Variants in SSBP2 observed in about 807,000 individuals in gnomAD.
SSBP2 encodes the protein single stranded DNA binding protein 2.
In SSBP2, 17 loss-of-function variants were observed where a neutral mutation model predicts 61.8. The ratio of observed to expected loss-of-function variants is 0.28; its 90% CI spans 0.19 to 0.41. The LOEUF is 0.41. Ranked by LOEUF, SSBP2 falls within the 10% of genes least tolerant of loss-of-function variation. The pLI, the probability that SSBP2 is intolerant of heterozygous loss-of-function variation, is 1.00. For synonymous variants in SSBP2, 139 were observed against 141.3 expected, an observed-to-expected ratio of 0.98 and a Z score of 0.12; for missense variants, 310 against 458.7, an observed-to-expected ratio of 0.68 and a Z score of 2.96.
chr5:81,561,153 C>T (rs1314152102), intron 4 of SSBP2, among the ~76,000 whole-genome samples: 3 of 152,084 alleles, frequency 2.0e-5, no homozygotes, highest in African/African-American at 7.2e-5. Flanking sequence ...ATAATGTAAT[C>T]CCCTGATAAA....
intron 10 of SSBP2, among the ~76,000 whole-genome samples, chr5:81,456,047 G>A (rs1764120187): frequency 1.3e-5 from 2 of 152,110 alleles, no homozygotes; most frequent in African/African-American, 4.8e-5. Context: ...CTAGAAATAA[G>A]GGAAGATAAT....
intron 4 of SSBP2, among the ~76,000 whole-genome samples, chr5:81,577,034 C>T (rs1444746867): frequency 1.3e-5 from 2 of 151,914 alleles, no homozygotes; most frequent in African/African-American, 2.4e-5. Context: ...TTAAATGTTT[C>T]GTGCATATTA....
At chr5:81,673,650 A>G (rs1751752002) in intron 1 of SSBP2, among the ~76,000 whole-genome samples, 1 of 152,224 alleles carries the variant, frequency 6.6e-6, no homozygotes, top group South Asian at 2.1e-4. Flanking sequence ...AAAAGAGACA[A>G]GTCAAGAGAA....
intron 11 of SSBP2, among the ~76,000 whole-genome samples, chr5:81,447,731 T>C (rs932798970): frequency 6.6e-6 from 1 of 152,204 alleles, no homozygotes; most frequent in Non-Finnish European, 1.5e-5. Flanking sequence ...TTTCAAATAA[T>C]ATCTGTATTT....
rs78125243 is a variant in SSBP2 at position 81,521,989 on chromosome 5, A to C, written c.283-8272T>G. Among the ~76,000 whole-genome samples the C allele has an allele frequency of 7.2e-3, 1,097 of 152,114 alleles. 23 individuals carry two copies. Among genetic ancestry groups the C allele is most frequent in the African/African-American group, 0.025 (1,043 of 41,558 alleles). On this transcript the variant is annotated intron_variant, in intron 4 of 16. Transcript: ENST00000320672. ...AGAAATCACATTACATGTATATATC[A>C]TGTGCTATAAAAATATTAATAAATT...
chr5:81,479,796 TAAA>T (rs539691626), intron 6 of SSBP2, among the ~76,000 whole-genome samples: 1 of 152,170 alleles, frequency 6.6e-6, no homozygotes, highest in Non-Finnish European at 1.5e-5. Flanking sequence ...TTTTTAATGA[TAAA>T]AAACTGAGGT....
intron 1 of SSBP2, among the ~76,000 whole-genome samples, chr5:81,716,759 T>C (rs1755195350): frequency 6.6e-6 from 1 of 152,236 alleles, no homozygotes; most frequent in Non-Finnish European, 1.5e-5. Flanking sequence ...CATGACTACC[T>C]AACATAATGC....
chr5:81,538,772 G>A (rs1485118961), intron 4 of SSBP2, among the ~76,000 whole-genome samples: 1 of 152,150 alleles, frequency 6.6e-6, no homozygotes, highest in Non-Finnish European at 1.5e-5. Flanking sequence ...CAAAGCCTGG[G>A]TGACAGCACA....
At chr5:81,473,908 G>A (rs1765419860) in intron 7 of SSBP2, 138 bp from the exon 8 acceptor site, 1 of 748,984 alleles carries the variant, frequency 1.3e-6, no homozygotes, top group Non-Finnish European at 2.3e-6. Flanking sequence ...TTGGCTTCCA[G>A]ACCACTTTTC....
At chr5:81,610,096 A>G (rs1214131091) in intron 4 of SSBP2, among the ~76,000 whole-genome samples, 1 of 152,196 alleles carries the variant, frequency 6.6e-6, no homozygotes, top group Non-Finnish European at 1.5e-5. Flanking sequence ...GCTATAACAC[A>G]GTCGGGCTGG....
chr5:81,567,929 C>T (rs1295918571), intron 4 of SSBP2, among the ~76,000 whole-genome samples: 1 of 152,132 alleles, frequency 6.6e-6, no homozygotes, highest in African/African-American at 2.4e-5. Context: ...AATGTCTGTA[C>T]CCCCTGTATC....
chr5:81,749,666 TAA>T (rs146068401), intron 1 of SSBP2, among the ~76,000 whole-genome samples: 1 of 148,010 alleles, frequency 6.8e-6, no homozygotes, highest in East Asian at 2.2e-4. Context: ...TTGCACAGTT[TAA>T]AAAAAAAAGG....
chr5:81,458,898 T>C (rs569754916), intron 10 of SSBP2, among the ~76,000 whole-genome samples: 1 of 152,330 alleles, frequency 6.6e-6, no homozygotes, highest in African/African-American at 2.4e-5. Flanking sequence ...ACTTTTCCTT[T>C]GGATGCTCAG....
chr5:81,690,008 A>T (rs1753088821), intron 1 of SSBP2, among the ~76,000 whole-genome samples: 1 of 152,142 alleles, frequency 6.6e-6, no homozygotes, highest in South Asian at 2.1e-4. Context: ...TTATGCAATC[A>T]GTGTTAAGTT....
At chr5:81,491,131 T>G (rs1766824388) in intron 5 of SSBP2, among the ~76,000 whole-genome samples, 1 of 152,214 alleles carries the variant, frequency 6.6e-6, no homozygotes, top group African/African-American at 2.4e-5. Flanking sequence ...CTGGACTAAT[T>G]TAAAAAATTT....
rs578029524 is a variant in SSBP2, at chr5:81,492,673, C to T, written c.373-3364G>A. ...GTGTTTTAACTGGAAAAAAGCCTTC[C>T]CCAGAAAGGATTATTTGTAATGTGT... On this transcript the variant is annotated intron_variant, in intron 5 of 16. Transcript: ENST00000320672. 5.9e-5 allele frequency among the ~76,000 whole-genome samples: 9 copies of T among 151,822 alleles called. No homozygotes were observed. In the South Asian group the frequency reaches 1.9e-3, roughly 32 times the overall value.
In SSBP2 at chr5:81,432,962, C is replaced by T. The variant is rs1219089626; in HGVS notation, c.958-4279G>A. ...GGGGTCAGCCCCCCGCCCAGCCAGC[C>T]GCCCCGTCCGGGAGGGAGGTGGGGG... On this transcript the variant is annotated intron_variant, in intron 15 of 16. Transcript: ENST00000320672. Among the ~76,000 whole-genome samples, 1,358 of 138,408 alleles carry T rather than the reference C, an allele frequency of 9.8e-3. 48 individuals carry two copies. The highest frequency in any genetic ancestry group is 0.036 in the African/African-American group (1,264 of 34,668). 90.8% of individuals were successfully genotyped at this position (138,408 alleles called of 152,430 possible). A position where few individuals can be genotyped will look rare whatever the true frequency, so the allele number is the denominator to read the frequency against.
chr5:81,444,785 G>T (rs1763265124), intron 12 of SSBP2, among the ~76,000 whole-genome samples: 1 of 151,976 alleles, frequency 6.6e-6, no homozygotes, highest in African/African-American at 2.4e-5. Context: ...GACTAATCAA[G>T]AATATAATTT....
chr5:81,624,828 T>C (rs1054264845), intron 3 of SSBP2, among the ~76,000 whole-genome samples: 2 of 152,132 alleles, frequency 1.3e-5, no homozygotes, highest in African/African-American at 4.8e-5. Context: ...TAAACCTTCA[T>C]GAATAAAAAA....
Sources: allele counts gnomAD v4.1 joint callset (sites outside exome capture counted in the v4.1 genomes callset), GRCh38; gene constraint gnomAD v4.1.1; transcripts MANE v1.5; gene names NCBI Gene and HGNC (gene_info 2026-07-23, HGNC 2026-07-21).